The following BANK1 variants were observed in gnomAD, a reference collection of about 807,000 sequenced individuals.
BANK1 encodes the protein B cell scaffold protein with ankyrin repeats 1, also known as B-cell scaffold protein with ankyrin repeats.
Under a neutral mutation model 94.5 loss-of-function variants are expected in BANK1, and 95 were observed. The ratio of observed to expected loss-of-function variants is 1.00; its 90% confidence interval spans 0.85 to 1.19. The LOEUF (loss-of-function observed/expected upper bound fraction) is 1.19. BANK1 is among the 50% of genes most tolerant of loss of function. The pLI is 0.00. For missense variants in BANK1, 987 were observed against 932.2 expected (o/e 1.06, Z -0.77); for synonymous variants, 334 against 308.4 (o/e 1.08, Z -0.87).
chr4:101,854,489 T>G (rs1321111033), intron 2 of BANK1, among the ~76,000 whole-genome samples: 1 of 152,204 alleles, frequency 6.6e-6, no homozygotes, highest in East Asian at 1.9e-4. Flanking sequence ...TAGACACTTA[T>G]TTCCATAGAA....
intron 7 of BANK1, among the ~76,000 whole-genome samples, chr4:101,996,904 A>G (rs754407166): frequency 1.3e-5 from 2 of 152,092 alleles, no homozygotes; most frequent in Non-Finnish European, 2.9e-5. Flanking sequence ...CTCTTTTCCT[A>G]TTTGAATACC....
rs141820140 is a variant in BANK1, at chr4:101,899,069, C to T, written c.1009+3659C>T. The stretch of plus-strand genomic sequence containing the variant: ...ATATTTTTCCAGTATACAAATTTTG[C>T]GAAGCATGAAGTTTTACGGACCTGT... On this transcript the variant is annotated intron_variant, in intron 6 of 16. Transcript: ENST00000322953. Among the ~76,000 whole-genome samples the T allele has an allele frequency of 3.0e-3, 450 of 151,736 alleles. 14 individuals are homozygous for T. In the East Asian group the frequency reaches 0.069, roughly 23 times the overall value.
chr4:101,816,656 A>T (rs1304280492), intron 1 of BANK1, among the ~76,000 whole-genome samples: 2 of 152,132 alleles, frequency 1.3e-5, no homozygotes, highest in East Asian at 3.9e-4. Flanking sequence ...TTGGTGTCAC[A>T]GAAGCTTAAG....
chr4:101,910,579 A>G (rs1722630397), intron 6 of BANK1, among the ~76,000 whole-genome samples: 1 of 151,732 alleles, frequency 6.6e-6, no homozygotes, highest in Non-Finnish European at 1.5e-5. Flanking sequence ...CTGTAATCCC[A>G]GCTACTCAGG....
At position 101,942,601 on chromosome 4, in the gene BANK1, C is replaced by T. The variant is rs146284144; in HGVS notation, c.1206+24412C>T. Among the ~76,000 whole-genome samples, 66 of 151,960 alleles carry T rather than the reference C, an allele frequency of 4.3e-4. 1 individual carries two copies. Among genetic ancestry groups the T allele is most frequent in the Middle Eastern group, 6.8e-3 (2 of 294 alleles). On this transcript the variant is annotated intron_variant, in intron 7 of 16. Transcript: ENST00000322953. ...GGTCACTGTACAGAGAAATATTGAGCTCTTTCTTTACAAAAGGAATCCTGA... is the reference window on the plus strand; with the variant it reads ...GGTCACTGTACAGAGAAATATTGAGTTCTTTCTTTACAAAAGGAATCCTGA...
chr4:101,928,397 A>G (rs1383174026), intron 7 of BANK1, among the ~76,000 whole-genome samples: 1 of 151,622 alleles, frequency 6.6e-6, no homozygotes, highest in African/African-American at 2.4e-5. Flanking sequence ...TTGTGGAGAA[A>G]GTGAACTGTC....
chr4:101,847,371 G>GT (rs903819103), intron 2 of BANK1, among the ~76,000 whole-genome samples: 6 of 151,558 alleles, frequency 4.0e-5, no homozygotes, highest in East Asian at 1.9e-4. Flanking sequence ...TCTCTTTTTA[G>GT]TTTTTTTTAC....
At chr4:101,806,317 C>T (rs1471247830) in intron 1 of BANK1, among the ~76,000 whole-genome samples, 2 of 147,252 alleles carry the variant, frequency 1.4e-5, no homozygotes, top group Non-Finnish European at 3.0e-5. Flanking sequence ...GTTTTGCTCT[C>T]GCTCCATATA....
intron 7 of BANK1, among the ~76,000 whole-genome samples, chr4:102,002,940 A>C (rs1726127835): frequency 1.3e-5 from 2 of 152,064 alleles, no homozygotes; most frequent in African/African-American, 4.8e-5. Context: ...TGCCCAGCTA[A>C]TTTTGGTATT....
intron 1 of BANK1, among the ~76,000 whole-genome samples, chr4:101,826,284 T>C (rs75119487): frequency 0.017 from 2,545 of 152,100 alleles, 87 homozygotes; most frequent in African/African-American, 0.059. Context: ...TATTATTGTG[T>C]CCTTTGCTGT....
intron 11 of BANK1, among the ~76,000 whole-genome samples, chr4:102,050,466 A>C (rs1194666500): frequency 6.6e-6 from 1 of 152,240 alleles, no homozygotes. Flanking sequence ...AATAGATGAG[A>C]TAGTAATCAG....
At chr4:102,038,819 A>G (rs1247633319) in intron 10 of BANK1, among the ~76,000 whole-genome samples, 1 of 152,198 alleles carries the variant, frequency 6.6e-6, no homozygotes, top group Non-Finnish European at 1.5e-5. Flanking sequence ...GTAGAAAAAA[A>G]GATTTATAGT....
At chr4:101,830,229 GT>G (rs779961804) in intron 2 of BANK1, 23 bp downstream of exon 2, 79 of 1,377,552 alleles carry the variant, frequency 5.7e-5, no homozygotes, top group African/African-American at 1.7e-5. Flanking sequence ...AACCTTGTTT[GT>G]TTTATTTTTA....
At chr4:102,056,157 A>G (rs1728221009) in intron 11 of BANK1, among the ~76,000 whole-genome samples, 1 of 152,182 alleles carries the variant, frequency 6.6e-6, no homozygotes, top group East Asian at 1.9e-4. Flanking sequence ...AACAGTACAA[A>G]CACTCCCTCA....
At chr4:101,798,447 C>T (rs1363607129) in intron 1 of BANK1, among the ~76,000 whole-genome samples, 1 of 152,136 alleles carries the variant, frequency 6.6e-6, no homozygotes, top group African/African-American at 2.4e-5. Flanking sequence ...ATTAGTAATA[C>T]ATTTTAATGT....
chr4:101,895,415 G>A lies in BANK1; in HGVS notation c.1009+5G>A, dbSNP rs753891621. The A allele has an allele frequency of 1.4e-6, 2 of 1,469,266 alleles. No individual in the cohort carries two copies. The highest frequency in any genetic ancestry group is 1.2e-5 in the South Asian group (1 of 84,976). The allele number at this position is 1,469,266 out of a possible 1,614,324, so 91.0% of individuals were successfully genotyped here. A position where few individuals can be genotyped will look rare whatever the true frequency, so the allele number is the denominator to read the frequency against. On this transcript the variant is annotated splice_donor_5th_base_variant and intron_variant, in intron 6 of 16. Coordinates refer to ENST00000322953, the MANE Select transcript of BANK1 (RefSeq NM_017935.5). Reference sequence around the variant, plus strand: ...AAATTTGTTCTCAAAACAAATGTGAGTATTTTCCAGCTGCATCAATTATTC... The same window carrying A: ...AAATTTGTTCTCAAAACAAATGTGAATATTTTCCAGCTGCATCAATTATTC...
intron 5 of BANK1, among the ~76,000 whole-genome samples, chr4:101,889,285 T>C (rs1721757448): frequency 6.6e-6 from 1 of 152,186 alleles, no homozygotes; most frequent in Admixed American, 6.5e-5. Flanking sequence ...ATTTGTAATC[T>C]GCATTTTCTC....
intron 7 of BANK1, among the ~76,000 whole-genome samples, chr4:101,919,821 G>T (rs1722943831): frequency 6.6e-6 from 1 of 152,090 alleles, no homozygotes; most frequent in South Asian, 2.1e-4. Flanking sequence ...AGTGCCAACA[G>T]ATCTGTCAAT....
chr4:101,861,000 T>C (rs1409549814), intron 3 of BANK1, among the ~76,000 whole-genome samples: 1 of 152,086 alleles, frequency 6.6e-6, no homozygotes, highest in African/African-American at 2.4e-5. Flanking sequence ...ACAAAAGAAC[T>C]GTACTAGAAG....
Sources: gnomAD v4.1 joint callset for allele counts (sites outside exome capture counted in the v4.1 genomes callset) on GRCh38, gnomAD v4.1.1 for gene constraint, MANE v1.5 for transcripts, NCBI Gene and HGNC (gene_info 2026-07-23, HGNC 2026-07-21) for gene names.